The following ZPBP variants were observed in gnomAD, a reference collection of about 807,000 sequenced individuals.
The protein encoded by ZPBP is zona pellucida binding protein, also known as zona pellucida-binding protein 1.
Under a neutral mutation model 44.8 loss-of-function variants are expected in ZPBP, and 26 were observed. That is an observed-to-expected ratio of 0.58 (90% confidence interval 0.43 to 0.81). The LOEUF (loss-of-function observed/expected upper bound fraction) is 0.81. ZPBP is among the 30% of genes least tolerant of loss of function. The probability of loss-of-function intolerance (pLI) is 0.00; values close to 1 mark genes in which losing one functional copy is unlikely to be tolerated. For synonymous variants in ZPBP, 174 were observed against 153.2 expected, an observed-to-expected ratio of 1.14 and a Z score of -1.00; for missense variants, 409 against 434.0, an observed-to-expected ratio of 0.94 and a Z score of 0.51.
At chr7:49,852,261 G>GC (rs1320014602) in intron 2 of ZPBP, among the ~76,000 whole-genome samples, 2 of 152,198 alleles carry the variant, frequency 1.3e-5, no homozygotes, top group Non-Finnish European at 2.9e-5. Context: ...TGACCCTGGA[G>GC]CATCAGGGGG....
intron 1 of ZPBP, among the ~76,000 whole-genome samples, chr7:49,904,929 T>C (rs1793005412): frequency 6.6e-6 from 1 of 151,810 alleles, no homozygotes; most frequent in Non-Finnish European, 1.5e-5. Flanking sequence ...AGAGATGGGG[T>C]TTCACCATCT....
At chr7:49,984,735 G>A (rs1797176369) in intron 6 of ZPBP, among the ~76,000 whole-genome samples, 1 of 152,114 alleles carries the variant, frequency 6.6e-6, no homozygotes, top group Non-Finnish European at 1.5e-5. Flanking sequence ...GTACTGGTCC[G>A]AGGCCTGGGG....
chr7:49,879,835 TC>T (rs1280083139), intron 2 of ZPBP, among the ~76,000 whole-genome samples: 2 of 152,192 alleles, frequency 1.3e-5, no homozygotes, highest in African/African-American at 4.8e-5. Flanking sequence ...TTTTCTCATT[TC>T]CCTTTTTATG....
chr7:49,863,374 G>C (rs1790741411), intron 2 of ZPBP, among the ~76,000 whole-genome samples: 1 of 152,212 alleles, frequency 6.6e-6, no homozygotes, highest in Middle Eastern at 3.4e-3. Context: ...AGATTTGTCA[G>C]TTTTGTTGAT....
chr7:50,074,610 G>A (rs1467368012), intron 3 of ZPBP, among the ~76,000 whole-genome samples: 1 of 151,718 alleles, frequency 6.6e-6, no homozygotes, highest in Admixed American at 6.6e-5. Flanking sequence ...AAAAAGAGTG[G>A]CAATTGCTAT....
chr7:49,920,014 T>C (rs1562776248), intron 1 of ZPBP: 1 of 152,152 alleles, frequency 6.6e-6, no homozygotes, highest in South Asian at 2.1e-4. Context: ...AAAGTAAATG[T>C]CTTTAAAATA....
intron 7 of ZPBP, chr7:49,943,558 C>T (rs1373012772): frequency 2.6e-6 from 1 of 386,500 alleles, no homozygotes; most frequent in African/African-American, 2.1e-5. Flanking sequence ...AATAAATGCT[C>T]CTTTGCGAAA....
chr7:50,047,956 T>C (rs561372300), intron 4 of ZPBP, among the ~76,000 whole-genome samples: 2 of 152,288 alleles, frequency 1.3e-5, no homozygotes, highest in East Asian at 3.9e-4. Context: ...AAGGGGACTA[T>C]TGATAACCTT....
At chr7:49,931,452 G>T (rs991056360) in intron 1 of ZPBP, among the ~76,000 whole-genome samples, 1 of 152,210 alleles carries the variant, frequency 6.6e-6, no homozygotes, top group African/African-American at 2.4e-5. Context: ...TGAGGAGCTT[G>T]TTGGAAACTG....
At chr7:49,894,716 G>C (rs903663754) in intron 2 of ZPBP, among the ~76,000 whole-genome samples, 1 of 152,214 alleles carries the variant, frequency 6.6e-6, no homozygotes, top group Non-Finnish European at 1.5e-5. Flanking sequence ...CTGTCACTGA[G>C]AAGGCTGTTT....
intron 5 of ZPBP, among the ~76,000 whole-genome samples, chr7:50,027,640 A>G (rs1799398412): frequency 6.6e-6 from 1 of 152,086 alleles, no homozygotes; most frequent in African/African-American, 2.4e-5. Flanking sequence ...TATAAAATAC[A>G]GAATAGAAAA....
At chr7:49,896,912 G>A (rs1172864739) in intron 2 of ZPBP, among the ~76,000 whole-genome samples, 6 of 139,306 alleles carry the variant, frequency 4.3e-5, no homozygotes, top group East Asian at 2.0e-4. Flanking sequence ...TTTTTGAGAC[G>A]GAGTCTCGCT....
At chr7:49,943,192 T>C in intron 7 of ZPBP, 1 of 314,854 alleles carries the variant, frequency 3.2e-6, no homozygotes, top group Non-Finnish European at 6.3e-6. Flanking sequence ...TCCTCAGCAT[T>C]CTCCCAAGAA....
intron 7 of ZPBP, among the ~76,000 whole-genome samples, chr7:49,941,588 G>A (rs1461406459): frequency 6.6e-6 from 1 of 151,970 alleles, no homozygotes. Context: ...AACCAAGGTG[G>A]TGGAATAATG....
chr7:50,047,906 AC>A (rs1429074580), intron 4 of ZPBP, among the ~76,000 whole-genome samples: 1 of 152,170 alleles, frequency 6.6e-6, no homozygotes, highest in East Asian at 1.9e-4. Context: ...ATGCAGAACC[AC>A]TGCACAATGA....
chr7:49,896,755 C>T (rs1050058900), intron 2 of ZPBP, among the ~76,000 whole-genome samples: 26 of 151,918 alleles, frequency 1.7e-4, no homozygotes, highest in Admixed American at 3.9e-4. Context: ...ATATTATCAG[C>T]GACTCTATGC....
chr7:49,937,430 G>T, downstream of ZPBP: 10 of 938,884 alleles, frequency 1.1e-5, no homozygotes, highest in Middle Eastern at 2.9e-4. Flanking sequence ...ACATTTTTTT[G>T]TAAAATATGA....
intron 2 of ZPBP, among the ~76,000 whole-genome samples, chr7:49,853,839 T>A (rs1007901807): frequency 1.3e-5 from 2 of 151,576 alleles, no homozygotes; most frequent in East Asian, 1.9e-4. Flanking sequence ...ACATTAGGTA[T>A]ATCTCCTAAT....
chr7:49,980,011 AT>A (rs1417561617), intron 7 of ZPBP, among the ~76,000 whole-genome samples: 2 of 70,558 alleles, frequency 2.8e-5, no homozygotes, highest in East Asian at 7.1e-4. Context: ...TATTATATAT[AT>A]TATAATATAA....
Sources: allele counts gnomAD v4.1 joint callset (sites outside exome capture counted in the v4.1 genomes callset), GRCh38; gene constraint gnomAD v4.1.1; transcripts MANE v1.5; gene names NCBI Gene and HGNC (gene_info 2026-07-23, HGNC 2026-07-21).